Variants in MRTFB observed in about 807,000 individuals in gnomAD.
The protein encoded by MRTFB is myocardin-related transcription factor B.
A neutral mutation model predicts 104.2 loss-of-function variants in MRTFB; 29 were observed. That is an observed-to-expected ratio of 0.28 (90% CI 0.21 to 0.38). The LOEUF is 0.38. Among genes scored for constraint, MRTFB ranks in the 10% least tolerant of loss-of-function variants. The pLI, the probability that MRTFB is intolerant of heterozygous loss-of-function variation, is 1.00. For missense variants in MRTFB, 1,270 were observed against 1,341.6 expected (o/e 0.95, Z 0.83); for synonymous variants, 535 against 519.5 (o/e 1.03, Z -0.41).
chr16:14,116,982 G>T (rs2036573265), intron 2 of MRTFB, among the ~76,000 whole-genome samples: 1 of 152,098 alleles, frequency 6.6e-6, no homozygotes, highest in South Asian at 2.1e-4. Flanking sequence ...CAAGGAAAGG[G>T]ATGGATAGAC....
At chr16:14,122,473 C>T (rs1006880028) in intron 2 of MRTFB, among the ~76,000 whole-genome samples, 1 of 152,144 alleles carries the variant, frequency 6.6e-6, no homozygotes, top group African/African-American at 2.4e-5. Context: ...TGTGATGTTT[C>T]CCTCCCTGTG....
chr16:14,250,070 G>C (rs977086782), intron 13 of MRTFB, among the ~76,000 whole-genome samples: 3 of 152,118 alleles, frequency 2.0e-5, no homozygotes, highest in Non-Finnish European at 4.4e-5. Context: ...TTTTAGGGAG[G>C]AAAGGAAAAA....
intron 3 of MRTFB, among the ~76,000 whole-genome samples, chr16:14,164,031 A>G (rs116429378): frequency 6.2e-4 from 95 of 152,254 alleles, no homozygotes; most frequent in African/African-American, 2.2e-3. Context: ...CACCTTGAGC[A>G]TTTATCATTT....
intron 2 of MRTFB, among the ~76,000 whole-genome samples, chr16:14,126,218 A>G (rs2142351426): frequency 6.6e-6 from 1 of 152,240 alleles, no homozygotes; most frequent in East Asian, 1.9e-4. Flanking sequence ...AAAAAACCTT[A>G]GTTTATATGT....
At chr16:14,127,923 ATATATATTT>A (rs1396261847) in intron 2 of MRTFB, among the ~76,000 whole-genome samples, 2 of 39,144 alleles carry the variant, frequency 5.1e-5, no homozygotes, top group African/African-American at 2.7e-4. Context: ...ATATATATAT[ATATATATTT>A]TTTTTTTTTT....
At chr16:14,026,125 T>G in the MRTFB span, among the ~76,000 whole-genome samples, 1 of 152,162 alleles carries the variant, frequency 6.6e-6, no homozygotes, top group African/African-American at 2.4e-5. Context: ...ACAATATGAT[T>G]ACAAAATTTA....
At chr16:14,251,143 G>A (rs191742734) in intron 13 of MRTFB, among the ~76,000 whole-genome samples, 42 of 152,088 alleles carry the variant, frequency 2.8e-4, no homozygotes, top group South Asian at 6.2e-4. Flanking sequence ...TTGGGAGGCC[G>A]AGGCGGGTGG....
chr16:14,225,748 C>G (rs74674757), intron 8 of MRTFB, among the ~76,000 whole-genome samples: 370 of 152,238 alleles, frequency 2.4e-3, no homozygotes, highest in African/African-American at 8.4e-3. Flanking sequence ...AAGCTGGTCT[C>G]GAACTCCTGA....
chr16:14,170,999 CT>C (rs1275868364), intron 3 of MRTFB, among the ~76,000 whole-genome samples: 1 of 152,082 alleles, frequency 6.6e-6, no homozygotes, highest in Non-Finnish European at 1.5e-5. Context: ...GGGTTATAAT[CT>C]GTTACTGTTA....
At chr16:14,178,730 G>C (rs963141771) in intron 3 of MRTFB, among the ~76,000 whole-genome samples, 1 of 152,022 alleles carries the variant, frequency 6.6e-6, no homozygotes, top group Admixed American at 6.6e-5. Flanking sequence ...AGTGTATGGG[G>C]GGCAGGGGAG....
the MRTFB span, chr16:14,009,333 A>G: frequency 6.6e-6 from 1 of 152,160 alleles, no homozygotes; most frequent in African/African-American, 2.4e-5. Flanking sequence ...CATATAGAAG[A>G]ACTACAGCTG....
In MRTFB at chr16:14,261,719, A is replaced by T. The variant is rs1336978198; in HGVS notation, c.*275A>T. On this transcript the variant is annotated 3_prime_UTR_variant, in exon 17 of 17. Transcript: ENST00000571589. ...TTTCTCCAGACTTCAGTAAAGAATG[A>T]AAAGTACCTTTAGATAAAAACAAAG... is the stretch of plus-strand genomic sequence containing the variant. 1 of 372,028 alleles carries T rather than the reference A, an allele frequency of 2.7e-6. No individual in the cohort carries two copies. Among genetic ancestry groups the T allele is most frequent in the Non-Finnish European group, 4.8e-6 (1 of 207,924 alleles). 23.0% of individuals were successfully genotyped at this position (372,028 alleles called of 1,614,324 possible).
intron 3 of MRTFB, among the ~76,000 whole-genome samples, chr16:14,144,990 ATATATG>A (rs1567380265): frequency 9.5e-6 from 1 of 105,628 alleles, no homozygotes; most frequent in Non-Finnish European, 1.6e-5. Context: ...ACATATATAT[ATATATG>A]TATATATATA....
At chr16:14,222,858 G>GT (rs1443009730) in intron 8 of MRTFB, among the ~76,000 whole-genome samples, 6 of 152,040 alleles carry the variant, frequency 3.9e-5, no homozygotes, top group African/African-American at 1.5e-4. Flanking sequence ...AGAGGTGGCT[G>GT]TTTTTTCACA....
upstream of MRTFB, among the ~76,000 whole-genome samples, chr16:14,067,355 TG>T (rs2033535462): frequency 6.6e-6 from 1 of 151,884 alleles, no homozygotes; most frequent in Non-Finnish European, 1.5e-5. Context: ...CCAGAGAAGC[TG>T]GGATTATAGG....
upstream of MRTFB, among the ~76,000 whole-genome samples, chr16:14,069,325 G>C (rs932314612): frequency 6.7e-6 from 1 of 150,304 alleles, no homozygotes; most frequent in Non-Finnish European, 1.5e-5. Flanking sequence ...CAAGTTCTCA[G>C]GCCTGTAGCC....
the MRTFB span, among the ~76,000 whole-genome samples, chr16:14,051,870 T>A: frequency 1.3e-5 from 2 of 152,312 alleles, no homozygotes; most frequent in South Asian, 2.1e-4. Context: ...CCACCTTTTT[T>A]CTGATCAGAA....
intron 15 of MRTFB, among the ~76,000 whole-genome samples, chr16:14,254,381 G>C (rs977989422): frequency 5.9e-5 from 9 of 152,200 alleles, no homozygotes; most frequent in Non-Finnish European, 1.2e-4. Flanking sequence ...CACTCAGGAA[G>C]GGAGTGATGT....
chr16:14,128,980 G>A (rs77855280), intron 2 of MRTFB, among the ~76,000 whole-genome samples: 1 of 152,122 alleles, frequency 6.6e-6, no homozygotes, highest in African/African-American at 2.4e-5. Flanking sequence ...TCTCTGTCCC[G>A]GTAGCTTTGG....
Sources: gnomAD v4.1 joint callset for allele counts (sites outside exome capture counted in the v4.1 genomes callset) on GRCh38, gnomAD v4.1.1 for gene constraint, MANE v1.5 for transcripts, NCBI Gene and HGNC (gene_info 2026-07-23, HGNC 2026-07-21) for gene names.